Variants in MBD5 observed in about 807,000 individuals in gnomAD.
MBD5 encodes the protein methyl-CpG-binding domain protein 5.
A neutral mutation model predicts 117.3 loss-of-function variants in MBD5; 13 were observed. That is an observed-to-expected ratio of 0.11 (90% CI 0.07 to 0.18). The LOEUF (loss-of-function observed/expected upper bound fraction) is 0.18. Among genes scored for constraint, MBD5 ranks in the 10% least tolerant of loss-of-function variants. MBD5 has a pLI of 1.00. For missense variants in MBD5, 1,879 were observed against 2,093.8 expected (o/e 0.90, Z 2.00); for synonymous variants, 727 against 766.4 (o/e 0.95, Z 0.85).
At position 148,294,507 on chromosome 2, in the gene MBD5, T is replaced by TTTTTTTTGTTTTTTTTTTTTTTTTG. The variant is rs1218239671; in HGVS notation, c.-679-47700_-679-47699insGTTTTTTTTTTTTTTTTGTTTTTTT. Among the ~76,000 whole-genome samples the TTTTTTTTGTTTTTTTTTTTTTTTTG allele has an allele frequency of 2.4e-5, 3 of 124,212 alleles. 1 individual carries two copies. The highest frequency in any genetic ancestry group is 9.8e-5 in the African/African-American group (3 of 30,662). 81.5% of individuals were successfully genotyped at this position (124,212 alleles called of 152,430 possible). ...CCAAAGTGCTGGGATTACAGTTTTT[T>TTTTTTTTGTTTTTTTTTTTTTTTTG]TTTTTTTTTTTTTTGAGATAGAGCT... On this transcript the variant is annotated intron_variant, in intron 3 of 13. Transcript: ENST00000642680.
intron 1 of MBD5, among the ~76,000 whole-genome samples, chr2:148,107,720 A>G (rs928317918): frequency 9.9e-5 from 15 of 152,038 alleles, no homozygotes; most frequent in Admixed American, 9.8e-4. Flanking sequence ...AATATATGAA[A>G]CAGTTATATT....
chr2:148,063,750 A>G (rs1467142836), intron 1 of MBD5, among the ~76,000 whole-genome samples: 1 of 152,070 alleles, frequency 6.6e-6, no homozygotes, highest in Non-Finnish European at 1.5e-5. Context: ...CTGTTAATAT[A>G]CCAGTTATAA....
chr2:148,490,385 C>T lies in MBD5; in HGVS notation c.4753C>T (p.Pro1585Ser). The change falls in exon 11 of 14, where the codon CCT becomes TCT. Residue 1585 changes from proline (P) to serine (S), a missense_variant. Coordinates refer to ENST00000642680, the MANE Select transcript of MBD5 (RefSeq NM_001378120.1). ...AAGCGTTAATGGGTGTGTGCCTAGC[C>T]CTTCAGATGCTAAAAGCATTAGTAG... ...AKSVNGCVPS[P>S]SDAKSISSED... The T allele has an allele frequency of 6.2e-7, 1 of 1,614,066 alleles. No individual in the cohort carries two copies. Among genetic ancestry groups the T allele is most frequent in the Non-Finnish European group, 8.5e-7 (1 of 1,180,010 alleles).
At chr2:148,297,680 C>A (rs1336788288) in intron 3 of MBD5, among the ~76,000 whole-genome samples, 1 of 152,162 alleles carries the variant, frequency 6.6e-6, no homozygotes, top group Non-Finnish European at 1.5e-5. Flanking sequence ...TTCTCTCTGG[C>A]AAATACCTTC....
Position 148,291,704 on chromosome 2 carries a change from A to G in MBD5, c.-679-50510A>G, listed in dbSNP as rs1701504323. 2.0e-5 allele frequency among the ~76,000 whole-genome samples: 3 copies of G among 152,208 alleles called. 1 individual carries two copies. The South Asian group carries it at 6.2e-4, about 32-fold the overall frequency. On this transcript the variant is annotated intron_variant, in intron 3 of 13. Coordinates refer to ENST00000642680, the MANE Select transcript of MBD5 (RefSeq NM_001378120.1). The stretch of plus-strand genomic sequence containing the variant: ...AATACCAATGACATCCTTCACAGAA[A>G]TAGAAAAAACAATCCTAAAATGTAT...
At chr2:148,361,858 G>T (rs1233584156) in intron 4 of MBD5, among the ~76,000 whole-genome samples, 1 of 152,186 alleles carries the variant, frequency 6.6e-6, no homozygotes, top group Non-Finnish European at 1.5e-5. Context: ...AGTGAGTGCA[G>T]CCCTCCCGAC....
At chr2:148,110,053 A>C (rs1696471124) in intron 1 of MBD5, among the ~76,000 whole-genome samples, 1 of 152,212 alleles carries the variant, frequency 6.6e-6, no homozygotes, top group South Asian at 2.1e-4. Flanking sequence ...GTTGTCATTT[A>C]CTATGAATAG....
chr2:148,494,140 C>CA (rs1243434952), intron 11 of MBD5, among the ~76,000 whole-genome samples: 1 of 152,128 alleles, frequency 6.6e-6, no homozygotes, highest in African/African-American at 2.4e-5. Flanking sequence ...TAGATTCCAC[C>CA]ATTATGGAAT....
intron 3 of MBD5, among the ~76,000 whole-genome samples, chr2:148,247,435 C>T (rs979092464): frequency 1.3e-5 from 2 of 152,062 alleles, no homozygotes; most frequent in African/African-American, 2.4e-5. Flanking sequence ...ATATTTTAAT[C>T]AGGCCATCCT....
At chr2:148,317,261 C>G (rs951448091) in intron 3 of MBD5, among the ~76,000 whole-genome samples, 3 of 151,854 alleles carry the variant, frequency 2.0e-5, no homozygotes, top group African/African-American at 4.8e-5. Flanking sequence ...CCCAGCTACT[C>G]AGGAGGCTGA....
intron 1 of MBD5, among the ~76,000 whole-genome samples, chr2:148,152,690 G>A (rs1216447458): frequency 6.6e-6 from 1 of 151,862 alleles, no homozygotes; most frequent in East Asian, 1.9e-4. Context: ...TTACCATTAT[G>A]TAATGGCCTT....
intron 1 of MBD5, among the ~76,000 whole-genome samples, chr2:148,030,082 C>T (rs1448557147): frequency 6.6e-6 from 1 of 152,066 alleles, no homozygotes; most frequent in African/African-American, 2.4e-5. Flanking sequence ...ACCAGCCTGA[C>T]CAGCATGGTA....
intron 2 of MBD5, among the ~76,000 whole-genome samples, chr2:148,225,962 A>T (rs1248930647): frequency 6.6e-6 from 1 of 151,966 alleles, no homozygotes; most frequent in East Asian, 1.9e-4. Context: ...GTGTTCTATA[A>T]CCTTCTTGTA....
At chr2:148,069,085 A>G (rs1421357646) in intron 1 of MBD5, among the ~76,000 whole-genome samples, 2 of 152,190 alleles carry the variant, frequency 1.3e-5, no homozygotes. Context: ...ATTAAAATGT[A>G]TGGATACATG....
chr2:148,226,104 C>G (rs1395078100), intron 2 of MBD5, among the ~76,000 whole-genome samples: 2 of 151,108 alleles, frequency 1.3e-5, no homozygotes, highest in East Asian at 1.9e-4. Context: ...CATTTTGAGG[C>G]TATTTTCTTT....
At chr2:148,150,779 C>G (rs1236243560) in intron 1 of MBD5, among the ~76,000 whole-genome samples, 12 of 152,048 alleles carry the variant, frequency 7.9e-5, no homozygotes, top group South Asian at 2.1e-4. Context: ...TGTGATTTTT[C>G]TACATTCATT....
At chr2:148,252,545 A>T (rs1355269773) in intron 3 of MBD5, among the ~76,000 whole-genome samples, 1 of 152,172 alleles carries the variant, frequency 6.6e-6, no homozygotes, top group Non-Finnish European at 1.5e-5. Context: ...ATGTATCTTT[A>T]TGGAAAACCT....
chr2:148,361,757 C>T (rs1232918022), intron 4 of MBD5, among the ~76,000 whole-genome samples: 1 of 152,104 alleles, frequency 6.6e-6, no homozygotes, highest in Non-Finnish European at 1.5e-5. Flanking sequence ...CAGCTCCGGT[C>T]TGCAGCTCCC....
intron 2 of MBD5, among the ~76,000 whole-genome samples, chr2:148,231,066 C>A (rs1034900224): frequency 2.6e-5 from 4 of 152,122 alleles, no homozygotes; most frequent in African/African-American, 9.7e-5. Flanking sequence ...CTCAGTAAGT[C>A]ACATACCCCC....
Sources: allele counts gnomAD v4.1 joint callset (sites outside exome capture counted in the v4.1 genomes callset), GRCh38; gene constraint gnomAD v4.1.1; transcripts MANE v1.5; gene names NCBI Gene and HGNC (gene_info 2026-07-23, HGNC 2026-07-21).